CFH: variants seen among roughly 807,000 people sequenced by gnomAD.
The protein encoded by CFH is H factor 1 (complement).
In CFH, 53 loss-of-function variants were observed where a neutral mutation model predicts 147.3. That is an observed-to-expected ratio of 0.36 (90% CI 0.29 to 0.45). CFH has a LOEUF of 0.45. Among genes scored for constraint, CFH ranks in the 20% least tolerant of loss-of-function variants. The pLI is 1.00. For synonymous variants in CFH, 536 were observed against 489.4 expected, an observed-to-expected ratio of 1.10 and a Z score of -1.26; for missense variants, 1,380 against 1,498.0, an observed-to-expected ratio of 0.92 and a Z score of 1.30.
intron 17 of CFH, 131 bp downstream of exon 17, chr1:196,737,791 T>A: frequency 1.6e-6 from 1 of 642,336 alleles, no homozygotes; most frequent in Non-Finnish European, 2.6e-6. Context: ...ACCATTAAAA[T>A]ACTTTTTGCA....
At chr1:196,725,853 T>C (rs1384902996) in intron 12 of CFH, among the ~76,000 whole-genome samples, 2 of 152,116 alleles carry the variant, frequency 1.3e-5, no homozygotes, top group African/African-American at 4.8e-5. Context: ...ATACCCATGA[T>C]CCAAACATCT....
chr1:196,711,030 TA>T (rs1200561102), intron 9 of CFH, among the ~76,000 whole-genome samples: 1 of 152,118 alleles, frequency 6.6e-6, no homozygotes, highest in Non-Finnish European at 1.5e-5. Flanking sequence ...GTAAAAACCA[TA>T]ATGATGTCAT....
At chr1:196,695,450 G>A (rs922581144) in intron 9 of CFH, among the ~76,000 whole-genome samples, 5 of 152,088 alleles carry the variant, frequency 3.3e-5, no homozygotes, top group African/African-American at 1.2e-4. Context: ...TGATGCATCA[G>A]CTTTGTGCTT....
At chr1:196,744,877 C>T (rs548467875) in intron 20 of CFH, among the ~76,000 whole-genome samples, 2 of 152,108 alleles carry the variant, frequency 1.3e-5, no homozygotes, top group Non-Finnish European at 2.9e-5. Flanking sequence ...AGGCATAGGT[C>T]TACTGGAGAC....
intron 15 of CFH, among the ~76,000 whole-genome samples, chr1:196,733,222 C>T (rs1007056103): frequency 6.6e-6 from 1 of 152,062 alleles, no homozygotes; most frequent in Admixed American, 6.6e-5. Context: ...ATTAGATACC[C>T]TGTGCAAGCT....
chr1:196,660,788 G>T (rs1186306895), intron 1 of CFH, among the ~76,000 whole-genome samples: 1 of 152,178 alleles, frequency 6.6e-6, no homozygotes, highest in Non-Finnish European at 1.5e-5. Context: ...AGATTTTGTG[G>T]AAGAGATGTA....
intron 7 of CFH, among the ~76,000 whole-genome samples, chr1:196,687,760 G>A (rs1458189083): frequency 6.6e-6 from 1 of 151,976 alleles, no homozygotes; most frequent in Non-Finnish European, 1.5e-5. Flanking sequence ...AAAAAGTGGT[G>A]AGGAAAAATG....
chr1:196,746,895 C>A (rs1265845888), intron 21 of CFH, among the ~76,000 whole-genome samples: 1 of 151,954 alleles, frequency 6.6e-6, no homozygotes, highest in East Asian at 1.9e-4. Flanking sequence ...GATAATACAC[C>A]CCTAATTCTC....
At chr1:196,710,076 G>A (rs1390715031) in intron 9 of CFH, among the ~76,000 whole-genome samples, 1 of 151,642 alleles carries the variant, frequency 6.6e-6, no homozygotes, top group Non-Finnish European at 1.5e-5. Flanking sequence ...ACATCAGCTG[G>A]TCTAAAGAGC....
At chr1:196,714,630 T>C in intron 10 of CFH, among the ~76,000 whole-genome samples, 1 of 63,978 alleles carries the variant, frequency 1.6e-5, no homozygotes, top group African/African-American at 8.1e-5. Flanking sequence ...TGTATACGTA[T>C]ATATGTATAT....
At chr1:196,707,827 A>G (rs796217587) in intron 9 of CFH, among the ~76,000 whole-genome samples, 8 of 152,356 alleles carry the variant, frequency 5.3e-5, no homozygotes, top group African/African-American at 1.7e-4. Context: ...TACTTTGAGC[A>G]TAACAGGAAT....
chr1:196,677,969 G>A (rs988572217), intron 5 of CFH: 2 of 371,528 alleles, frequency 5.4e-6, no homozygotes, highest in African/African-American at 2.1e-5. Flanking sequence ...TTTAAATGTA[G>A]GTTATCTGAC....
At chr1:196,719,795 CATATAA>C (rs1197199984) in intron 11 of CFH, among the ~76,000 whole-genome samples, 1 of 151,642 alleles carries the variant, frequency 6.6e-6, no homozygotes, top group East Asian at 1.9e-4. Flanking sequence ...ATAAATAGTA[CATATAA>C]CAAAAATTGT....
In CFH at chr1:196,736,842, G is replaced by A; in HGVS notation, c.2432G>A (p.Cys811Tyr). 1 of 1,505,970 alleles carries A rather than the reference G, an allele frequency of 6.6e-7. No individual in the cohort carries two copies. The highest frequency in any genetic ancestry group is 1.4e-5 in the South Asian group (1 of 69,694). The allele number at this position is 1,505,970 out of a possible 1,614,324, so 93.3% of individuals were successfully genotyped here. The change falls in exon 16 of 22, where the codon TGC becomes TAC. Residue 811 changes from cysteine to tyrosine, a missense_variant. Transcript: ENST00000367429. ...TTTTTAGTGGCACAAATACAATTAT[G>A]CCCACCTCCACCTCAGATTCCCAAT... ...VNCSMAQIQL[C>Y]PPPPQIPNSH...
chr1:196,714,650 TATATATATATATATATATAGAG>T (rs1668810370), intron 10 of CFH, among the ~76,000 whole-genome samples: 1 of 46,454 alleles, frequency 2.2e-5, no homozygotes, highest in African/African-American at 8.3e-5. Flanking sequence ...TATATATATA[TATATATATATATATATATAGAG>T]AGAGAGAGAG....
chr1:196,727,021 G>A (rs1669159467), intron 14 of CFH, 81 bp downstream of exon 14: 2 of 1,271,150 alleles, frequency 1.6e-6, no homozygotes, highest in Admixed American at 1.7e-5. Context: ...CTATATTTTT[G>A]AAATTTACAG....
Position 196,659,575 on chromosome 1 carries a change from A to G in CFH, c.58+7400A>G, listed in dbSNP as rs978239513. 1.3e-4 allele frequency among the ~76,000 whole-genome samples: 20 copies of G among 152,286 alleles called. 1 individual carries two copies. The highest frequency in any genetic ancestry group is 4.8e-4 in the African/African-American group (20 of 41,556). ...GAGGCAGTTCTGCACTCATATTTAT[A>G]TGCACTTTTAATTATATGGAAATTA... On this transcript the variant is annotated intron_variant, in intron 1 of 21. Transcript: ENST00000367429.
intron 7 of CFH, among the ~76,000 whole-genome samples, chr1:196,688,510 T>C (rs1310357410): frequency 2.0e-5 from 3 of 152,278 alleles, no homozygotes; most frequent in East Asian, 3.9e-4. Flanking sequence ...ATGAATTAAC[T>C]ATGTTATTTT....
At chr1:196,652,640 A>T (rs938051579) in intron 1 of CFH, among the ~76,000 whole-genome samples, 5 of 151,796 alleles carry the variant, frequency 3.3e-5, no homozygotes, top group African/African-American at 4.8e-5. Context: ...TTTACAACTG[A>T]TATTGTCATG....
Sources: allele counts gnomAD v4.1 joint callset (sites outside exome capture counted in the v4.1 genomes callset), GRCh38; gene constraint gnomAD v4.1.1; transcripts MANE v1.5; gene names NCBI Gene and HGNC (gene_info 2026-07-23, HGNC 2026-07-21).